Variants in MORN5 observed in about 807,000 individuals in gnomAD.
MORN5 encodes the protein MORN repeat-containing protein 5.
MORN5 carries 21 observed loss-of-function variants against 22.1 expected under a neutral mutation model. That is an observed-to-expected ratio of 0.95 (90% CI 0.67 to 1.37). The LOEUF is 1.37. MORN5 is among the 40% of genes most tolerant of loss of function. The pLI is 0.00. For missense variants in MORN5, 211 were observed against 215.1 expected (o/e 0.98, Z 0.12); for synonymous variants, 73 against 74.0 (o/e 0.99, Z 0.07).
chr9:122,193,943 G>A (rs1224155179), intron 4 of MORN5, among the ~76,000 whole-genome samples: 2 of 152,268 alleles, frequency 1.3e-5, no homozygotes, highest in East Asian at 3.8e-4. Context: ...AGGCTGAGGA[G>A]TGGAGAGCCT....
At chr9:122,166,346 C>T (rs1829282203) in intron 1 of MORN5, among the ~76,000 whole-genome samples, 1 of 151,776 alleles carries the variant, frequency 6.6e-6, no homozygotes, top group Admixed American at 6.6e-5. Flanking sequence ...CATATTTTCC[C>T]TAATATTCCA....
chr9:122,160,544 T>G (rs1339917166), intron 1 of MORN5, among the ~76,000 whole-genome samples: 1 of 134,412 alleles, frequency 7.4e-6, no homozygotes, highest in Non-Finnish European at 1.5e-5. Context: ...TCTTTTCTTT[T>G]CCTTCCTTCC....
At chr9:122,190,337 C>T (rs542609923) in intron 4 of MORN5, among the ~76,000 whole-genome samples, 1 of 151,788 alleles carries the variant, frequency 6.6e-6, no homozygotes, top group Non-Finnish European at 1.5e-5. Context: ...TTTGCTGTTG[C>T]TTGGTAAACT....
intron 3 of MORN5, among the ~76,000 whole-genome samples, chr9:122,170,951 A>G (rs933902016): frequency 1.3e-5 from 2 of 152,206 alleles, no homozygotes; most frequent in African/African-American, 2.4e-5. Flanking sequence ...CATTCTGCAC[A>G]TGTACCCCAG....
At chr9:122,196,998 A>G (rs576439046) in intron 4 of MORN5, among the ~76,000 whole-genome samples, 23 of 152,338 alleles carry the variant, frequency 1.5e-4, no homozygotes, top group Admixed American at 9.8e-4. Context: ...TATTTGTTAA[A>G]TGAATGCATA....
chr9:122,180,116 G>A (rs1829514255), intron 4 of MORN5, among the ~76,000 whole-genome samples: 1 of 152,120 alleles, frequency 6.6e-6, no homozygotes, highest in African/African-American at 2.4e-5. Flanking sequence ...CATCTACTGT[G>A]TGCCAGGCTT....
In MORN5 at chr9:122,167,513, C is replaced by T. The variant is rs551671542; in HGVS notation, c.195+598C>T. Among the ~76,000 whole-genome samples the T allele has an allele frequency of 8.6e-5, 13 of 151,968 alleles. No homozygotes were observed. In the East Asian group the frequency reaches 2.3e-3, roughly 27 times the overall value. ...GATTACAGGTATGTGCCACCATGCC[C>T]GGCTAATTTCTCCCTGCTTCTGGAT... is the stretch of plus-strand genomic sequence containing the variant. On this transcript the variant is annotated intron_variant, in intron 2 of 4. Transcript: ENST00000373764.
At chr9:122,181,831 T>G (rs1829542019) in intron 4 of MORN5, among the ~76,000 whole-genome samples, 1 of 152,174 alleles carries the variant, frequency 6.6e-6, no homozygotes, top group Non-Finnish European at 1.5e-5. Flanking sequence ...AAAAAAAGAT[T>G]AAGTATTCAA....
At chr9:122,170,654 TC>T (rs1425542718) in intron 3 of MORN5, among the ~76,000 whole-genome samples, 1 of 152,142 alleles carries the variant, frequency 6.6e-6, no homozygotes, top group African/African-American at 2.4e-5. Context: ...CAGACATGGT[TC>T]CCTGTGGCAG....
At chr9:122,167,056 C>CTTTT (rs35889616) in intron 2 of MORN5, 141 bp downstream of exon 2, 159 of 445,880 alleles carry the variant, frequency 3.6e-4, no homozygotes, top group South Asian at 9.5e-4. Flanking sequence ...ACTCCCCCCA[C>CTTTT]TTTTTTTTTT....
rs1369675409 is a variant in MORN5, at chr9:122,195,985, T to TATTTATTTATTTATTTA, written c.440-3895_440-3894insTTTATTTATTTAATTTA. 8.7e-3 allele frequency among the ~76,000 whole-genome samples: 1,324 copies of TATTTATTTATTTATTTA among 151,962 alleles called. 23 individuals are homozygous for TATTTATTTATTTATTTA. Among genetic ancestry groups the TATTTATTTATTTATTTA allele is most frequent in the African/African-American group, 0.031 (1,268 of 41,350 alleles). Reference sequence around the variant, plus strand: ...TTTGTTTTATATTTATTTATTTATTTATTTAGAGACAGGTTCTCAACTCTG... The same window carrying TATTTATTTATTTATTTA: ...TTTGTTTTATATTTATTTATTTATTTATTTATTTATTTATTTAATTTAGAGACAGGTTCTCAACTCTG... On this transcript the variant is annotated intron_variant, in intron 4 of 4. Transcript: ENST00000373764.
rs555432655 is a variant in MORN5, at chr9:122,169,663, G to A, written c.214G>A (p.Asp72Asn). ...CTTCCAGGGCACATATACGTTCTCA[G>A]ATGGGCTGCACTATGATGAGAAAAA... ...LAIKGTYTFS[D>N]GLHYDEKNWH... Residue 72 changes from aspartate (D) to asparagine (N), a missense_variant, in exon 3 of 5, where the codon GAT (aspartate) becomes AAT (asparagine). Transcript: ENST00000373764. 9.9e-6 allele frequency: 16 copies of A among 1,613,862 alleles called. No homozygotes were observed. In the East Asian group the frequency reaches 1.3e-4, roughly 13 times the overall value.
intron 4 of MORN5, among the ~76,000 whole-genome samples, chr9:122,196,948 A>G (rs925718418): frequency 3.3e-5 from 5 of 152,234 alleles, no homozygotes; most frequent in African/African-American, 1.2e-4. Context: ...GTCTTATAGT[A>G]TCCACCTCCC....
intron 4 of MORN5, among the ~76,000 whole-genome samples, chr9:122,199,446 G>A (rs1271276486): frequency 6.6e-6 from 1 of 152,188 alleles, no homozygotes; most frequent in East Asian, 1.9e-4. Context: ...GAAACCATGG[G>A]TTCTTGAAAG....
chr9:122,196,934 A>C (rs1484895633), intron 4 of MORN5, among the ~76,000 whole-genome samples: 2 of 152,166 alleles, frequency 1.3e-5, no homozygotes. Flanking sequence ...ATATCCCCTC[A>C]AGTGTCTTAT....
intron 4 of MORN5, among the ~76,000 whole-genome samples, chr9:122,198,746 C>T (rs968007303): frequency 3.9e-5 from 6 of 152,118 alleles, no homozygotes; most frequent in African/African-American, 4.8e-5. Context: ...GCAACCTCCG[C>T]GTCCACCACC....
At chr9:122,190,394 A>C (rs1370317991) in intron 4 of MORN5, among the ~76,000 whole-genome samples, 2 of 152,266 alleles carry the variant, frequency 1.3e-5, no homozygotes, top group Non-Finnish European at 2.9e-5. Flanking sequence ...CCTGAGAGTC[A>C]TGCATACTGG....
chr9:122,160,105 T>C (rs1588298240), intron 1 of MORN5, 86 bp downstream of exon 1: 1 of 1,261,294 alleles, frequency 7.9e-7, no homozygotes, highest in Non-Finnish European at 1.1e-6. Context: ...AAACACCTTG[T>C]GCCAGGCACT....
At chr9:122,191,246 GCAGC>G (rs1829758125) in intron 4 of MORN5, among the ~76,000 whole-genome samples, 1 of 152,174 alleles carries the variant, frequency 6.6e-6, no homozygotes, top group African/African-American at 2.4e-5. Context: ...CCCCTCAGCT[GCAGC>G]CACTCCCACA....
Sources: allele counts gnomAD v4.1 joint callset (sites outside exome capture counted in the v4.1 genomes callset), GRCh38; gene constraint gnomAD v4.1.1; transcripts MANE v1.5; gene names NCBI Gene and HGNC (gene_info 2026-07-23, HGNC 2026-07-21).